Variants in RHOA observed in about 807,000 individuals in gnomAD.
RHOA encodes ras homolog family member A.
In RHOA, 3 loss-of-function variants were observed where a neutral mutation model predicts 17.5. That is an observed-to-expected ratio of 0.17 (90% CI 0.08 to 0.44). The LOEUF (loss-of-function observed/expected upper bound fraction) is 0.44, where lower values mean the gene tolerates loss of function less well. Ranked by LOEUF, RHOA falls within the 20% of genes least tolerant of loss-of-function variation. The pLI, the probability that RHOA is intolerant of heterozygous loss-of-function variation, is 0.99. For missense variants in RHOA, 56 were observed against 242.3 expected, an observed-to-expected ratio of 0.23 and a Z score of 5.10; for synonymous variants, 98 against 88.4, an observed-to-expected ratio of 1.11 and a Z score of -0.61.
intron 1 of RHOA, among the ~76,000 whole-genome samples, chr3:49,382,842 G>A (rs2048338509): frequency 6.6e-6 from 1 of 151,970 alleles, no homozygotes; most frequent in African/African-American, 2.4e-5. Context: ...ATCACCTGAG[G>A]TCAGGAGTTC....
rs62926260 is a variant in RHOA at position 49,367,342 on chromosome 3, CAAAAAAAA to C, written c.277+1078_277+1085del. On this transcript the variant is annotated intron_variant, in intron 3 of 4. Coordinates refer to ENST00000418115, the MANE Select transcript of RHOA (RefSeq NM_001664.4). The stretch of plus-strand genomic sequence containing the variant: ...TGGGAGACAGAGCAAGACTCCCTCT[CAAAAAAAA>C]AAAAAAAAAAAAAAAAGAATACTGA... Among the ~76,000 whole-genome samples the C allele has an allele frequency of 3.0e-3, 239 of 80,502 alleles. 4 individuals carry two copies. Among genetic ancestry groups the C allele is most frequent in the Admixed American group, 0.014 (74 of 5,276 alleles). The allele number at this position is 80,502 out of a possible 152,430, so 52.8% of individuals were successfully genotyped here.
intron 1 of RHOA, among the ~76,000 whole-genome samples, chr3:49,385,578 C>T (rs2048383805): frequency 6.6e-6 from 1 of 151,988 alleles, no homozygotes; most frequent in African/African-American, 2.4e-5. Flanking sequence ...CTTTGGGGCA[C>T]AACGTTTTTT....
chr3:49,401,372 G>A (rs891369430), intron 1 of RHOA, among the ~76,000 whole-genome samples: 1 of 151,926 alleles, frequency 6.6e-6, no homozygotes, highest in Non-Finnish European at 1.5e-5. Flanking sequence ...TATGAAAACG[G>A]ACAGGCAAGG....
chr3:49,381,068 T>C (rs1010688451), intron 1 of RHOA, among the ~76,000 whole-genome samples: 3 of 151,096 alleles, frequency 2.0e-5, no homozygotes, highest in African/African-American at 7.3e-5. Flanking sequence ...AAGAAGCATA[T>C]CGATGATAGG....
intron 1 of RHOA, among the ~76,000 whole-genome samples, chr3:49,377,751 G>A (rs893456275): frequency 6.6e-6 from 1 of 152,030 alleles, no homozygotes; most frequent in Admixed American, 6.6e-5. Context: ...TCCAGCCTGG[G>A]TGACAGAGTG....
chr3:49,359,429 T>G lies in RHOA; in HGVS notation c.*780A>C. The G allele has an allele frequency of 5.3e-6, 1 of 188,694 alleles. No individual in the cohort carries two copies. The highest frequency in any genetic ancestry group is 1.9e-4 in the South Asian group (1 of 5,148). 11.7% of individuals were successfully genotyped at this position (188,694 alleles called of 1,614,324 possible). A position where few individuals can be genotyped will look rare whatever the true frequency, so the allele number is the denominator to read the frequency against. Reference sequence around the variant, plus strand: ...CAGCTCCATGGGGTACTGAGATACATGGGGCCGAAAAGGGGTAATATGGCC... The same window carrying G: ...CAGCTCCATGGGGTACTGAGATACAGGGGGCCGAAAAGGGGTAATATGGCC... On this transcript the variant is annotated 3_prime_UTR_variant, in exon 5 of 5. Transcript: ENST00000418115.
At chr3:49,370,694 G>T (rs2107842354) in intron 2 of RHOA, among the ~76,000 whole-genome samples, 1 of 152,222 alleles carries the variant, frequency 6.6e-6, no homozygotes, top group Middle Eastern at 3.4e-3. Flanking sequence ...ACTGATGCCT[G>T]GGCTCTGAAT....
intron 1 of RHOA, among the ~76,000 whole-genome samples, chr3:49,408,529 T>C (rs1166143316): frequency 6.6e-6 from 1 of 152,156 alleles, no homozygotes; most frequent in African/African-American, 2.4e-5. Context: ...CTATCGTAAT[T>C]ATGAACATAC....
At chr3:49,399,226 T>C (rs1296855754) in intron 1 of RHOA, among the ~76,000 whole-genome samples, 1 of 151,408 alleles carries the variant, frequency 6.6e-6, no homozygotes, top group African/African-American at 2.4e-5. Context: ...AAAACTTAGC[T>C]GGGCGTGGCG....
At chr3:49,407,483 C>CTTGG (rs200353569) in intron 1 of RHOA, among the ~76,000 whole-genome samples, 1 of 152,002 alleles carries the variant, frequency 6.6e-6, no homozygotes, top group Non-Finnish European at 1.5e-5. Context: ...ATCCACCTGC[C>CTTGG]CAGCACTTCC....
intron 1 of RHOA, among the ~76,000 whole-genome samples, chr3:49,406,024 C>A (rs1199728350): frequency 6.6e-6 from 1 of 152,122 alleles, no homozygotes; most frequent in African/African-American, 2.4e-5. Flanking sequence ...AAAAGATAAA[C>A]AGAGCTTCAT....
chr3:49,396,025 G>A (rs2048609562), intron 1 of RHOA, among the ~76,000 whole-genome samples: 1 of 152,116 alleles, frequency 6.6e-6, no homozygotes, highest in African/African-American at 2.4e-5. Context: ...CAACACAAAG[G>A]AAGTGGTGGT....
At chr3:49,370,908 T>C (rs1187302429) in intron 2 of RHOA, among the ~76,000 whole-genome samples, 1 of 152,208 alleles carries the variant, frequency 6.6e-6, no homozygotes, top group Non-Finnish European at 1.5e-5. Flanking sequence ...TTAAAATTGA[T>C]GGCTCTTCCA....
intron 1 of RHOA, among the ~76,000 whole-genome samples, chr3:49,387,181 A>C (rs1454265771): frequency 7.1e-6 from 1 of 141,744 alleles, no homozygotes; most frequent in African/African-American, 2.6e-5. Context: ...GTGGTGGCTC[A>C]CACCTGTAAT....
At chr3:49,404,613 A>C (rs1326319887) in intron 1 of RHOA, among the ~76,000 whole-genome samples, 12 of 9,542 alleles carry the variant, frequency 1.3e-3, no homozygotes, top group Admixed American at 8.7e-3. Context: ...CTCCGTCTCA[A>C]AAAAAAAAAA....
intron 1 of RHOA, among the ~76,000 whole-genome samples, chr3:49,397,486 T>A (rs570508620): frequency 6.6e-6 from 1 of 152,062 alleles, no homozygotes; most frequent in East Asian, 1.9e-4. Flanking sequence ...CTCAGTAAAA[T>A]TGTTACCAAA....
intron 1 of RHOA, among the ~76,000 whole-genome samples, chr3:49,397,796 G>A (rs2048643156): frequency 6.6e-6 from 1 of 152,042 alleles, no homozygotes; most frequent in Non-Finnish European, 1.5e-5. Context: ...GACTCCCAAG[G>A]GACTGATCCA....
chr3:49,404,667 G>A (rs181055966), intron 1 of RHOA, among the ~76,000 whole-genome samples: 36 of 137,548 alleles, frequency 2.6e-4, no homozygotes, highest in Admixed American at 1.1e-3. Context: ...GGTGGCTCAC[G>A]GCTGTAATCC....
At chr3:49,387,025 G>A (rs1394298167) in intron 1 of RHOA, among the ~76,000 whole-genome samples, 1 of 147,406 alleles carries the variant, frequency 6.8e-6, no homozygotes, top group African/African-American at 2.5e-5. Context: ...GCTGAGGCAG[G>A]AGAACCGCTT....
Sources: allele counts gnomAD v4.1 joint callset (sites outside exome capture counted in the v4.1 genomes callset), GRCh38; gene constraint gnomAD v4.1.1; transcripts MANE v1.5; gene names NCBI Gene and HGNC (gene_info 2026-07-23, HGNC 2026-07-21).